The following NECAB1 variants were observed in gnomAD, a reference collection of about 807,000 sequenced individuals.
NECAB1 encodes N-terminal EF-hand calcium-binding protein 1.
A neutral mutation model predicts 57.5 loss-of-function variants in NECAB1; 29 were observed. The ratio of observed to expected loss-of-function variants is 0.50; its 90% CI spans 0.38 to 0.69. NECAB1 has a LOEUF of 0.69. NECAB1 is among the 30% of genes least tolerant of loss of function. The probability of loss-of-function intolerance (pLI) is 0.00; values close to 1 mark genes in which losing one functional copy is unlikely to be tolerated. For missense variants in NECAB1, 372 were observed against 413.8 expected (o/e 0.90, Z 0.88); for synonymous variants, 142 against 147.7 (o/e 0.96, Z 0.28).
intron 2 of NECAB1, among the ~76,000 whole-genome samples, chr8:90,822,402 G>T (rs1812156666): frequency 6.6e-6 from 1 of 151,810 alleles, no homozygotes; most frequent in Non-Finnish European, 1.5e-5. Context: ...ATTTAAAAGT[G>T]TGGCCACCTA....
chr8:90,822,555 A>G (rs1812158842), intron 2 of NECAB1, among the ~76,000 whole-genome samples: 1 of 151,782 alleles, frequency 6.6e-6, no homozygotes. Flanking sequence ...TTTTCTAAAT[A>G]AAAGTCTTTT....
chr8:90,900,484 G>T (rs1023939794), intron 5 of NECAB1, among the ~76,000 whole-genome samples: 6 of 152,166 alleles, frequency 3.9e-5, no homozygotes, highest in Admixed American at 3.9e-4. Context: ...ACACAAAGGG[G>T]TTAGTAGACT....
At chr8:90,892,732 G>A (rs981160959) in intron 5 of NECAB1, among the ~76,000 whole-genome samples, 9 of 152,126 alleles carry the variant, frequency 5.9e-5, no homozygotes, top group Non-Finnish European at 1.0e-4. Context: ...TCACAGCACC[G>A]AAGTCATTAT....
intron 5 of NECAB1, among the ~76,000 whole-genome samples, chr8:90,892,611 T>C (rs1208424326): frequency 6.6e-6 from 1 of 152,214 alleles, no homozygotes; most frequent in Non-Finnish European, 1.5e-5. Context: ...GTCAGTCACC[T>C]ACTCCTAATG....
At chr8:90,833,785 T>A (rs1172358298) in intron 3 of NECAB1, among the ~76,000 whole-genome samples, 1 of 152,160 alleles carries the variant, frequency 6.6e-6, no homozygotes. Context: ...CCATTTCCAA[T>A]GCCCCAACCA....
chr8:90,808,088 C>G (rs973612853), intron 2 of NECAB1, among the ~76,000 whole-genome samples: 6 of 151,968 alleles, frequency 3.9e-5, no homozygotes, highest in Admixed American at 6.6e-5. Flanking sequence ...AAGCAGAAAA[C>G]GGAAAATTCT....
At chr8:90,937,092 C>T (rs1810557065) in intron 9 of NECAB1, among the ~76,000 whole-genome samples, 1 of 152,014 alleles carries the variant, frequency 6.6e-6, no homozygotes, top group South Asian at 2.1e-4. Flanking sequence ...TGAAAGAGCA[C>T]CTAACAATTA....
At chr8:90,907,139 TGTGTGTGTGTGTGAGAGAGA>T (rs1357185651) in intron 5 of NECAB1, among the ~76,000 whole-genome samples, 1 of 123,614 alleles carries the variant, frequency 8.1e-6, no homozygotes, top group African/African-American at 3.4e-5. Flanking sequence ...TGTGTGTGTG[TGTGTGTGTGTGTGAGAGAGA>T]GAGAGAGAGA....
intron 1 of NECAB1, among the ~76,000 whole-genome samples, chr8:90,794,431 T>C (rs1284317270): frequency 1.3e-5 from 2 of 152,234 alleles, no homozygotes; most frequent in African/African-American, 4.8e-5. Context: ...ATTTTCTGTG[T>C]GTCTTCTGTA....
chr8:90,909,760 T>G (rs1403769551), intron 5 of NECAB1, among the ~76,000 whole-genome samples: 1 of 152,140 alleles, frequency 6.6e-6, no homozygotes, highest in Admixed American at 6.6e-5. Context: ...CCAGCAATTT[T>G]ATGAAAATAT....
chr8:90,824,664 G>T (rs553497388), intron 2 of NECAB1, 53 bp from the exon 3 acceptor site: 95 of 1,215,226 alleles, frequency 7.8e-5, no homozygotes, highest in South Asian at 2.1e-4. Flanking sequence ...AGCAAAAACA[G>T]AACAATGTAC....
Position 90,873,946 on chromosome 8 carries a change from TA to T in NECAB1, c.259+1794del, listed in dbSNP as rs1255450281. On this transcript the variant is annotated intron_variant, in intron 4 of 12. Transcript: ENST00000417640. ...AGCTTTGGCTATGATTTTCCCCCTA[TA>T]GCTTTAGTTAGGGAACTGGTATGTG... Among the ~76,000 whole-genome samples, 4 of 152,312 alleles carry T rather than the reference TA, an allele frequency of 2.6e-5. No homozygotes were observed. The East Asian group carries it at 7.7e-4, about 29-fold the overall frequency.
intron 3 of NECAB1, among the ~76,000 whole-genome samples, chr8:90,856,891 C>T (rs932914592): frequency 5.3e-5 from 8 of 152,086 alleles, no homozygotes; most frequent in East Asian, 3.8e-4. Context: ...CTAAGTAACG[C>T]GGCAACTTTT....
At chr8:90,817,055 T>C (rs1812071431) in intron 2 of NECAB1, among the ~76,000 whole-genome samples, 1 of 151,840 alleles carries the variant, frequency 6.6e-6, no homozygotes, top group Non-Finnish European at 1.5e-5. Context: ...CACCAAACTA[T>C]TTTTCAGCTT....
chr8:90,917,866 A>ATGTG (rs1310484254), intron 6 of NECAB1, among the ~76,000 whole-genome samples: 1 of 72,794 alleles, frequency 1.4e-5, no homozygotes, highest in Non-Finnish European at 2.2e-5. Flanking sequence ...ATATATATAT[A>ATGTG]TATATGTGTG....
chr8:90,934,220 G>A, intron 8 of NECAB1, 84 bp from the exon 9 acceptor site: 5 of 945,078 alleles, frequency 5.3e-6, no homozygotes, highest in Middle Eastern at 2.4e-4. Flanking sequence ...TGTTAGCCAT[G>A]AGAGAACTAT....
At position 90,876,907 on chromosome 8, in the gene NECAB1, T is replaced by C. The variant is rs115197934; in HGVS notation, c.260-4126T>C. Among the ~76,000 whole-genome samples the C allele has an allele frequency of 1.9e-3, 287 of 152,322 alleles. 2 individuals are homozygous for C. The highest frequency in any genetic ancestry group is 0.01 in the Middle Eastern group (3 of 294). On this transcript the variant is annotated intron_variant, in intron 4 of 12. Transcript: ENST00000417640. ...TTTGCTCAAGTTCATGAAACCCACA[T>C]ACAGGTTTCAACAAAATAGGTCTTT... is the stretch of plus-strand genomic sequence containing the variant.
intron 3 of NECAB1, among the ~76,000 whole-genome samples, chr8:90,841,833 T>C (rs898389810): frequency 6.6e-6 from 1 of 152,202 alleles, no homozygotes; most frequent in Admixed American, 6.5e-5. Flanking sequence ...TGAGGAGGCA[T>C]CTCAGGCCTG....
At chr8:90,869,306 G>C (rs1808577069) in intron 3 of NECAB1, among the ~76,000 whole-genome samples, 1 of 152,192 alleles carries the variant, frequency 6.6e-6, no homozygotes, top group Admixed American at 6.5e-5. Flanking sequence ...TCCACATAGA[G>C]TCCCCACTGG....
Sources: gnomAD v4.1 joint callset for allele counts (sites outside exome capture counted in the v4.1 genomes callset) on GRCh38, gnomAD v4.1.1 for gene constraint, MANE v1.5 for transcripts, NCBI Gene and HGNC (gene_info 2026-07-23, HGNC 2026-07-21) for gene names.